Variants in CSTF3 observed in about 807,000 individuals in gnomAD.
The protein encoded by CSTF3 is CF-1 77 kDa subunit.
Under a neutral mutation model 105.8 loss-of-function variants are expected in CSTF3, and 29 were observed. That is an observed-to-expected ratio of 0.27 (90% CI 0.20 to 0.37). The LOEUF (loss-of-function observed/expected upper bound fraction) is 0.37, where lower values mean the gene tolerates loss of function less well. Among genes scored for constraint, CSTF3 ranks in the 10% least tolerant of loss-of-function variants. The pLI is 1.00. For missense variants in CSTF3, 357 were observed against 879.3 expected (o/e 0.41, Z 7.51); for synonymous variants, 252 against 281.9 (o/e 0.89, Z 1.06).
chr11:33,105,823 A>T, intron 7 of CSTF3, 60 bp downstream of exon 7: 1 of 1,524,972 alleles, frequency 6.6e-7, no homozygotes, highest in Non-Finnish European at 8.9e-7. Flanking sequence ...TCAAAGAACT[A>T]AAAATTATAT....
At chr11:33,123,901 CAT>C (rs902526288) in intron 3 of CSTF3, among the ~76,000 whole-genome samples, 2 of 151,874 alleles carry the variant, frequency 1.3e-5, no homozygotes, top group African/African-American at 4.8e-5. Flanking sequence ...TACACATATA[CAT>C]ATGTGTATAC....
At chr11:33,148,841 G>T (rs1432725318) in intron 1 of CSTF3, among the ~76,000 whole-genome samples, 2 of 149,470 alleles carry the variant, frequency 1.3e-5, no homozygotes, top group Admixed American at 6.8e-5. Flanking sequence ...AAAAGCATGT[G>T]TGTGTGTACT....
intron 3 of CSTF3, among the ~76,000 whole-genome samples, chr11:33,139,891 T>G (rs1307416185): frequency 6.6e-6 from 1 of 151,998 alleles, no homozygotes; most frequent in African/African-American, 2.4e-5. Context: ...CTGGTCTTCC[T>G]GAAACTTTTT....
At chr11:33,102,388 A>C (rs1855288876) in intron 9 of CSTF3, 49 bp from the exon 10 acceptor site, 20 of 1,585,532 alleles carry the variant, frequency 1.3e-5, no homozygotes, top group Non-Finnish European at 1.7e-5. Flanking sequence ...AACAACTGAG[A>C]TATATGGCGG....
chr11:33,089,513 T>C (rs1051817659), intron 17 of CSTF3, among the ~76,000 whole-genome samples: 1 of 152,220 alleles, frequency 6.6e-6, no homozygotes, highest in African/African-American at 2.4e-5. Context: ...AAATGAGGAT[T>C]TACTGTAGTC....
At chr11:33,133,553 C>T in intron 3 of CSTF3, among the ~76,000 whole-genome samples, 1 of 152,166 alleles carries the variant, frequency 6.6e-6, no homozygotes, top group East Asian at 1.9e-4. Context: ...AATGATGAAG[C>T]ATCAAACAAA....
At position 33,086,004 on chromosome 11, in the gene CSTF3, A is replaced by C; in HGVS notation, c.1796-15T>G. ...TAAACCTGGAGCTGTGAGAAAAAGA[A>C]AAGTATGAATCAAGTGGAATGGAAG... On this transcript the variant is annotated splice_polypyrimidine_tract_variant and intron_variant, in intron 18 of 20. Coordinates refer to ENST00000323959, the MANE Select transcript of CSTF3 (RefSeq NM_001326.3). 1.4e-6 allele frequency: 2 copies of C among 1,453,334 alleles called. No homozygotes were observed. The highest frequency in any genetic ancestry group is 4.8e-5 in the East Asian group (2 of 42,094). 90.0% of individuals were successfully genotyped at this position (1,453,334 alleles called of 1,614,324 possible).
chr11:33,149,298 T>C (rs1333097294), intron 1 of CSTF3, among the ~76,000 whole-genome samples: 1 of 152,228 alleles, frequency 6.6e-6, no homozygotes. Flanking sequence ...TAACACAATC[T>C]ATACATGTAA....
chr11:33,086,224 T>TA (rs1855103993), intron 18 of CSTF3, among the ~76,000 whole-genome samples: 1 of 152,200 alleles, frequency 6.6e-6, no homozygotes. Context: ...GGGACTGAAC[T>TA]AAAGTCAGTT....
At chr11:33,157,856 T>C (rs1194403105) in intron 1 of CSTF3, among the ~76,000 whole-genome samples, 1 of 152,142 alleles carries the variant, frequency 6.6e-6, no homozygotes, top group Non-Finnish European at 1.5e-5. Flanking sequence ...GATTCAATGG[T>C]TTTAATTTTT....
At chr11:33,156,586 T>C in intron 1 of CSTF3, 1 of 398,518 alleles carries the variant, frequency 2.5e-6, no homozygotes, top group South Asian at 1.8e-5. Context: ...GCAATTAATT[T>C]GCGCTTCTTA....
intron 20 of CSTF3, 98 bp from the exon 21 acceptor site, chr11:33,085,387 G>A (rs1304333702): frequency 1.8e-5 from 18 of 977,232 alleles, no homozygotes; most frequent in Non-Finnish European, 2.6e-5. Context: ...TACTATTTTA[G>A]CAAAACATGG....
At chr11:33,136,449 A>AT (rs1174523113) in intron 3 of CSTF3, among the ~76,000 whole-genome samples, 2 of 152,062 alleles carry the variant, frequency 1.3e-5, no homozygotes, top group African/African-American at 4.8e-5. Context: ...GTCACTGGTA[A>AT]TATTTTAGAC....
intron 1 of CSTF3, among the ~76,000 whole-genome samples, chr11:33,145,293 G>A (rs929836821): frequency 4.6e-5 from 7 of 151,760 alleles, no homozygotes; most frequent in African/African-American, 1.7e-4. Context: ...AAGAATTAGT[G>A]GGGCATGGTG....
At chr11:33,122,112 A>C (rs1009300136) in intron 3 of CSTF3, among the ~76,000 whole-genome samples, 1 of 152,246 alleles carries the variant, frequency 6.6e-6, no homozygotes, top group African/African-American at 2.4e-5. Context: ...TCTATGGATT[A>C]GCTTTCAAAT....
At chr11:33,159,789 A>T (rs1327371662) in intron 1 of CSTF3, among the ~76,000 whole-genome samples, 3 of 152,010 alleles carry the variant, frequency 2.0e-5, no homozygotes, top group African/African-American at 7.3e-5. Context: ...GCATGGGGAG[A>T]TAAAGCAAAT....
At chr11:33,097,472 C>A (rs2133773083) in intron 13 of CSTF3, among the ~76,000 whole-genome samples, 1 of 152,192 alleles carries the variant, frequency 6.6e-6, no homozygotes, top group East Asian at 1.9e-4. Flanking sequence ...TGGGGTCAAG[C>A]CATTCTCCTG....
chr11:33,096,233 G>A, intron 15 of CSTF3, 73 bp downstream of exon 15: 1 of 1,060,848 alleles, frequency 9.4e-7, no homozygotes, highest in Non-Finnish European at 1.3e-6. Context: ...CATTCAAGAA[G>A]GAAGAAATCT....
intron 1 of CSTF3, among the ~76,000 whole-genome samples, chr11:33,147,986 A>G (rs1042977821): frequency 2.6e-5 from 4 of 152,224 alleles, no homozygotes; most frequent in Non-Finnish European, 5.9e-5. Context: ...GTTTACTGCT[A>G]TAATTGTTTT....
Sources: allele counts gnomAD v4.1 joint callset (sites outside exome capture counted in the v4.1 genomes callset), GRCh38; gene constraint gnomAD v4.1.1; transcripts MANE v1.5; gene names NCBI Gene and HGNC (gene_info 2026-07-23, HGNC 2026-07-21).